Variants in DDB1 observed in about 807,000 individuals in gnomAD.
The protein encoded by DDB1 is DNA damage-binding protein 1.
Under a neutral mutation model 133.1 loss-of-function variants are expected in DDB1, and 18 were observed. The ratio of observed to expected loss-of-function variants is 0.14; its 90% CI spans 0.09 to 0.20. The LOEUF (loss-of-function observed/expected upper bound fraction) is 0.20. Ranked by LOEUF, DDB1 falls within the 10% of genes least tolerant of loss-of-function variation. The pLI, the probability that DDB1 is intolerant of heterozygous loss-of-function variation, is 1.00. For synonymous variants in DDB1, 580 were observed against 550.5 expected (o/e 1.05, Z -0.75); for missense variants, 828 against 1,459.2 (o/e 0.57, Z 7.05).
At chr11:61,321,316 T>C (rs1590694819) in intron 10 of DDB1, 2 of 261,088 alleles carry the variant, frequency 7.7e-6, no homozygotes, top group Non-Finnish European at 1.4e-5. Context: ...ATTCTATCGG[T>C]TGCCTCATAT....
At chr11:61,330,221 T>G (rs1336789159) in intron 2 of DDB1, 147 bp from the exon 3 acceptor site, 1 of 605,796 alleles carries the variant, frequency 1.7e-6, no homozygotes, top group Non-Finnish European at 2.9e-6. Flanking sequence ...TAACCCACAC[T>G]AGGTACACAT....
intron 1 of DDB1, chr11:61,332,185 C>A: frequency 6.4e-6 from 1 of 156,858 alleles, no homozygotes; most frequent in Non-Finnish European, 1.4e-5. Context: ...ACCAATACCT[C>A]CATCCACACT....
intron 1 of DDB1, 108 bp downstream of exon 1, chr11:61,332,800 T>G: frequency 1.0e-6 from 1 of 987,388 alleles, no homozygotes; most frequent in Non-Finnish European, 1.4e-6. Flanking sequence ...CGCCTTCCAT[T>G]CGCCGGGCCC....
Position 61,333,004 on chromosome 11 carries a change from C to G in DDB1, c.-36G>C. On this transcript the variant is annotated 5_prime_UTR_variant, in exon 1 of 27. Coordinates refer to ENST00000301764, the MANE Select transcript of DDB1 (RefSeq NM_001923.5). ...GGAGCGGCCCGTCGGGACTCGAGCGCGACACTAGAAAGAGGGACACAAGCG... is the reference window on the plus strand; with the variant it reads ...GGAGCGGCCCGTCGGGACTCGAGCGGGACACTAGAAAGAGGGACACAAGCG... 2 of 1,476,998 alleles carry G rather than the reference C, an allele frequency of 1.4e-6. No homozygotes were observed. The highest frequency in any genetic ancestry group is 1.8e-4 in the Middle Eastern group (1 of 5,700). 91.5% of individuals were successfully genotyped at this position (1,476,998 alleles called of 1,614,324 possible). A position where few individuals can be genotyped will look rare whatever the true frequency, so the allele number is the denominator to read the frequency against.
At chr11:61,307,582 T>C (rs1407378557) in intron 21 of DDB1, among the ~76,000 whole-genome samples, 4 of 152,242 alleles carry the variant, frequency 2.6e-5, no homozygotes, top group Non-Finnish European at 5.9e-5. Flanking sequence ...ATCCTGTCTC[T>C]ATGGGCTCTC....
In DDB1 at chr11:61,314,435, T is replaced by G. The variant is rs2134912753; in HGVS notation, c.1462A>C (p.Ser488Arg). Residue 488 changes from serine (S) to arginine (R), a missense_variant, in exon 13 of 27, where the codon AGT (serine) becomes CGT (arginine). Ser to Arg is a moderately radical substitution (Grantham distance 110). This residue lies in a region of DDB1 where 396 missense variants were observed against 554.1 expected (regional missense o/e 0.71). Coordinates refer to ENST00000301764, the MANE Select transcript of DDB1 (RefSeq NM_001923.5). ...LVSQEPKALV[S>R]EWKEPQAKNI... ...TTGGCCTGAGGCTCCTTCCATTCAC[T>G]GACCAGAGCTTTGGGTTCTTGAGAG... 1 of 1,614,150 alleles carries G rather than the reference T, an allele frequency of 6.2e-7. No individual in the cohort carries two copies. Among genetic ancestry groups the G allele is most frequent in the Non-Finnish European group, 8.5e-7 (1 of 1,180,002 alleles).
chr11:61,309,694 C>T, intron 20 of DDB1, 102 bp downstream of exon 20: 1 of 1,305,032 alleles, frequency 7.7e-7, no homozygotes, highest in African/African-American at 1.5e-5. Context: ...ATGAACCCAA[C>T]TTCTTCTACT....
chr11:61,318,090 T>C (rs903442558), intron 10 of DDB1, among the ~76,000 whole-genome samples: 3 of 152,234 alleles, frequency 2.0e-5, no homozygotes, highest in Non-Finnish European at 2.9e-5. Flanking sequence ...AATGCAAATA[T>C]AAAATAGTCT....
Position 61,324,155 on chromosome 11 carries a change from A to G in DDB1, c.763-18T>C, listed in dbSNP as rs1856231526. 1 of 1,613,734 alleles carries G rather than the reference A, an allele frequency of 6.2e-7. No homozygotes were observed. The highest frequency in any genetic ancestry group is 1.7e-5 in the Admixed American group (1 of 59,992). ...GTGCTTTGCTGCCAATTGGAAGGAA[A>G]CAGTCATTAGAGATTCAGCATCTTC... On this transcript the variant is annotated intron_variant, in intron 6 of 26. Coordinates refer to ENST00000301764, the MANE Select transcript of DDB1 (RefSeq NM_001923.5).
intron 23 of DDB1, 131 bp from the exon 24 acceptor site, chr11:61,302,882 G>A (rs1225075981): frequency 3.0e-6 from 4 of 1,323,344 alleles, no homozygotes; most frequent in South Asian, 2.7e-5. Context: ...AGGGGAGCCA[G>A]TCTAAAGAGG....
intron 18 of DDB1, 93 bp from the exon 19 acceptor site, chr11:61,310,511 G>C: frequency 7.1e-7 from 1 of 1,407,380 alleles, no homozygotes; most frequent in South Asian, 1.6e-5. Context: ...AGGACACAAA[G>C]GCTGCAGCTA....
chr11:61,321,760 C>T, intron 9 of DDB1, 63 bp from the exon 10 acceptor site: 2 of 1,425,858 alleles, frequency 1.4e-6, no homozygotes, highest in Non-Finnish European at 2.0e-6. Context: ...CATACTGATG[C>T]CCAGAAAGTA....
intron 18 of DDB1, chr11:61,311,359 C>T (rs1369919122): frequency 6.0e-6 from 1 of 165,660 alleles, no homozygotes; most frequent in Admixed American, 6.4e-5. Context: ...TAACACATAA[C>T]ATAACATAAA....
At chr11:61,316,919 CAAAAAAAAA>C (rs58795761) in intron 10 of DDB1, among the ~76,000 whole-genome samples, 1 of 21,696 alleles carries the variant, frequency 4.6e-5, no homozygotes, top group Non-Finnish European at 9.8e-5. Context: ...GATCCTGTCT[CAAAAAAAAA>C]AAAAAAAAAA....
chr11:61,323,876 T>C, intron 7 of DDB1, 103 bp downstream of exon 7: 2 of 1,297,504 alleles, frequency 1.5e-6, no homozygotes, highest in Non-Finnish European at 2.2e-6. Flanking sequence ...TGTTGTTAGG[T>C]GTTAAGTAAC....
At chr11:61,307,262 G>T (rs1171305930) in intron 21 of DDB1, among the ~76,000 whole-genome samples, 1 of 152,206 alleles carries the variant, frequency 6.6e-6, no homozygotes, top group African/African-American at 2.4e-5. Context: ...TCCTTGAGGG[G>T]TTTTCTGTAC....
chr11:61,302,211 T>G (rs1441053371), intron 25 of DDB1, 46 bp downstream of exon 25: 1 of 1,535,872 alleles, frequency 6.5e-7, no homozygotes, highest in East Asian at 2.2e-5. Flanking sequence ...GTGCCACATA[T>G]GCCGGGATGT....
rs551849731 is a variant in DDB1, at chr11:61,322,420, G to A, written c.1006-8C>T. The A allele has an allele frequency of 6.2e-7, 1 of 1,604,914 alleles. No homozygotes were observed. Among genetic ancestry groups the A allele is most frequent in the South Asian group, 1.1e-5 (1 of 90,908 alleles). Reference sequence around the variant, plus strand: ...ATTACTGTCAACGTTGAGCTAATAAGAAAGAACAATGTTATGTTAGTCCTA... The same window carrying A: ...ATTACTGTCAACGTTGAGCTAATAAAAAAGAACAATGTTATGTTAGTCCTA... On this transcript the variant is annotated splice_polypyrimidine_tract_variant and splice_region_variant and intron_variant, in intron 8 of 26. Transcript: ENST00000301764.
chr11:61,311,234 A>C (rs776929284), intron 18 of DDB1: 5 of 152,838 alleles, frequency 3.3e-5, no homozygotes, highest in African/African-American at 7.2e-5. Flanking sequence ...CCTGGACGAC[A>C]GGGTGAGACT....
Sources: allele counts gnomAD v4.1 joint callset (sites outside exome capture counted in the v4.1 genomes callset), GRCh38; gene constraint gnomAD v4.1.1; regional missense constraint gnomAD v4.1.1; transcripts MANE v1.5; gene names NCBI Gene and HGNC (gene_info 2026-07-23, HGNC 2026-07-21).